The following CDH12 variants were observed in gnomAD, a reference collection of about 807,000 sequenced individuals.
CDH12 encodes cadherin 12.
CDH12 carries 41 observed loss-of-function variants against 74.1 expected under a neutral mutation model. That is an observed-to-expected ratio of 0.55 (90% CI 0.43 to 0.72). The LOEUF (loss-of-function observed/expected upper bound fraction) is 0.72, where lower values mean the gene tolerates loss of function less well. Among genes scored for constraint, CDH12 ranks in the 30% least tolerant of loss-of-function variants. The probability of loss-of-function intolerance (pLI) is 0.00; values close to 1 mark genes in which losing one functional copy is unlikely to be tolerated. For synonymous variants in CDH12, 399 were observed against 355.0 expected, an observed-to-expected ratio of 1.12 and a Z score of -1.39; for missense variants, 945 against 977.2, an observed-to-expected ratio of 0.97 and a Z score of 0.44.
intron 13 of CDH12, 142 bp downstream of exon 13, chr5:21,760,416 A>G (rs1744651598): frequency 8.1e-6 from 5 of 616,308 alleles, no homozygotes; most frequent in African/African-American, 1.9e-5. Context: ...ATTTACTACT[A>G]GGTACAGAAT....
At chr5:22,474,866 C>A (rs763396375) in intron 2 of CDH12, among the ~76,000 whole-genome samples, 3 of 151,998 alleles carry the variant, frequency 2.0e-5, no homozygotes, top group Non-Finnish European at 4.4e-5. Context: ...AATAAAGAAT[C>A]ACATAGAATA....
chr5:22,584,954 A>G (rs926675347), intron 1 of CDH12, among the ~76,000 whole-genome samples: 28 of 151,798 alleles, frequency 1.8e-4, no homozygotes, highest in African/African-American at 6.3e-4. Context: ...ATTTACTACT[A>G]AAAAAAACCT....
chr5:22,119,020 A>G (rs1262007440), intron 4 of CDH12, among the ~76,000 whole-genome samples: 6 of 152,102 alleles, frequency 3.9e-5, no homozygotes, highest in Non-Finnish European at 7.4e-5. Context: ...TGAGAACAAG[A>G]AGAAGTAATA....
intron 5 of CDH12, among the ~76,000 whole-genome samples, chr5:21,997,427 A>C (rs976803735): frequency 3.3e-5 from 5 of 152,118 alleles, no homozygotes; most frequent in African/African-American, 1.2e-4. Flanking sequence ...AAATTTTATG[A>C]AATTATAGTT....
At chr5:22,243,682 T>G (rs940883065) in intron 3 of CDH12, among the ~76,000 whole-genome samples, 26 of 152,174 alleles carry the variant, frequency 1.7e-4, no homozygotes, top group African/African-American at 6.0e-4. Flanking sequence ...TGACAAATGG[T>G]AAAGTGCATG....
intron 4 of CDH12, 105 bp downstream of exon 4, chr5:22,212,393 C>T (rs1462255869): frequency 2.6e-6 from 1 of 379,706 alleles, no homozygotes; most frequent in Non-Finnish European, 3.6e-6. Context: ...TTAAGCTTTT[C>T]CTGACACAGT....
intron 6 of CDH12, among the ~76,000 whole-genome samples, chr5:21,941,731 A>G (rs1755338304): frequency 6.6e-6 from 1 of 152,214 alleles, no homozygotes; most frequent in Non-Finnish European, 1.5e-5. Context: ...GGAGTTATAT[A>G]GGAAGACTCT....
At chr5:22,243,489 G>T (rs1215264615) in intron 3 of CDH12, among the ~76,000 whole-genome samples, 2 of 151,694 alleles carry the variant, frequency 1.3e-5, no homozygotes, top group Admixed American at 6.6e-5. Context: ...AAAGGGGAAA[G>T]GTAGAGAGAG....
intron 3 of CDH12, among the ~76,000 whole-genome samples, chr5:22,297,317 G>A (rs1018888613): frequency 9.9e-5 from 15 of 152,062 alleles, no homozygotes; most frequent in African/African-American, 4.8e-5. Flanking sequence ...CACCGCGCCC[G>A]GCTTTCACAT....
intron 5 of CDH12, among the ~76,000 whole-genome samples, chr5:22,030,273 A>G (rs1738724804): frequency 6.6e-6 from 1 of 152,046 alleles, no homozygotes; most frequent in South Asian, 2.1e-4. Flanking sequence ...ATAATAATAA[A>G]ATAAAATAAA....
intron 1 of CDH12, among the ~76,000 whole-genome samples, chr5:22,834,421 C>A (rs1315323486): frequency 6.6e-6 from 1 of 152,192 alleles, no homozygotes; most frequent in East Asian, 1.9e-4. Context: ...GTAGAGTTCT[C>A]CTAGGTGTGT....
intron 1 of CDH12, among the ~76,000 whole-genome samples, chr5:22,743,789 TA>T (rs1745154667): frequency 6.6e-6 from 1 of 152,146 alleles, no homozygotes; most frequent in Non-Finnish European, 1.5e-5. Flanking sequence ...ACATTCCTGT[TA>T]AAACTGTCGA....
intron 3 of CDH12, among the ~76,000 whole-genome samples, chr5:22,299,815 G>T (rs72742090): frequency 0.093 from 14,074 of 151,978 alleles, 687 homozygotes; most frequent in South Asian, 0.16. Context: ...TATTTTTCTT[G>T]ATATTAGGTT....
intron 5 of CDH12, among the ~76,000 whole-genome samples, chr5:22,032,952 T>C (rs1271151331): frequency 6.7e-6 from 1 of 148,530 alleles, no homozygotes; most frequent in Non-Finnish European, 1.5e-5. Context: ...GACTGTAAGA[T>C]GGGAAAATAA....
chr5:22,654,497 C>T (rs1375401327), intron 1 of CDH12, among the ~76,000 whole-genome samples: 1 of 151,960 alleles, frequency 6.6e-6, no homozygotes, highest in Non-Finnish European at 1.5e-5. Context: ...ACAATGTTAG[C>T]CAGGCTGGTC....
At chr5:22,268,167 A>T (rs939448185) in intron 3 of CDH12, among the ~76,000 whole-genome samples, 1 of 152,082 alleles carries the variant, frequency 6.6e-6, no homozygotes, top group African/African-American at 2.4e-5. Flanking sequence ...AGTAATAGTC[A>T]CTTAGAATGA....
At position 22,163,079 on chromosome 5, in the gene CDH12, G is replaced by A. The variant is rs192511709; in HGVS notation, c.-187+49419C>T. 4.3e-4 allele frequency among the ~76,000 whole-genome samples: 65 copies of A among 151,990 alleles called. No individual in the cohort carries two copies. The South Asian group carries it at 6.9e-3, about 16-fold the overall frequency. ...GCCCGGCTAATTTTTTGTATTTTTA[G>A]TAGAGACGGGGTTTCACCATCTCCA... On this transcript the variant is annotated intron_variant, in intron 4 of 14. Transcript: ENST00000382254.
At chr5:22,740,347 G>A (rs568605949) in intron 1 of CDH12, among the ~76,000 whole-genome samples, 21 of 151,588 alleles carry the variant, frequency 1.4e-4, no homozygotes, top group African/African-American at 3.4e-4. Flanking sequence ...CTACATGATC[G>A]AGAAATTGTT....
chr5:22,517,672 G>A (rs1289563121), intron 1 of CDH12, among the ~76,000 whole-genome samples: 3 of 152,112 alleles, frequency 2.0e-5, no homozygotes, highest in Non-Finnish European at 2.9e-5. Flanking sequence ...AACATCTGCT[G>A]CCAAAAATTG....
Sources: allele counts gnomAD v4.1 joint callset (sites outside exome capture counted in the v4.1 genomes callset), GRCh38; gene constraint gnomAD v4.1.1; transcripts MANE v1.5; gene names NCBI Gene and HGNC (gene_info 2026-07-23, HGNC 2026-07-21).